Variants in PDE1C observed in about 807,000 individuals in gnomAD.
PDE1C encodes dual specificity calcium/calmodulin-dependent 3',5'-cyclic nucleotide phosphodiesterase 1C.
Under a neutral mutation model 93.1 loss-of-function variants are expected in PDE1C, and 62 were observed. That is an observed-to-expected ratio of 0.67 (90% CI 0.54 to 0.82). PDE1C has a LOEUF of 0.82. Among genes scored for constraint, PDE1C ranks in the 40% least tolerant of loss-of-function variants. The pLI is 0.00. For missense variants in PDE1C, 742 were observed against 884.6 expected, an observed-to-expected ratio of 0.84 and a Z score of 2.04; for synonymous variants, 325 against 310.1, an observed-to-expected ratio of 1.05 and a Z score of -0.50.
At chr7:31,701,056 A>T in the PDE1C span, among the ~76,000 whole-genome samples, 2 of 151,344 alleles carry the variant, frequency 1.3e-5, no homozygotes, top group East Asian at 3.9e-4. Flanking sequence ...AGTTACTTCG[A>T]CTTGCAAGTC....
At chr7:31,936,313 G>A (rs1293553997) in intron 2 of PDE1C, among the ~76,000 whole-genome samples, 1 of 151,820 alleles carries the variant, frequency 6.6e-6, no homozygotes, top group Non-Finnish European at 1.5e-5. Context: ...CATTGATGCT[G>A]ATGCTACAAA....
intron 2 of PDE1C, among the ~76,000 whole-genome samples, chr7:31,997,932 A>C (rs1031158686): frequency 1.2e-4 from 18 of 152,242 alleles, no homozygotes; most frequent in Non-Finnish European, 2.4e-4. Flanking sequence ...AATGTCCCTT[A>C]CTTTAAAAAC....
At chr7:32,073,000 T>C (rs1483403670), upstream of PDE1C, among the ~76,000 whole-genome samples, 1 of 152,246 alleles carries the variant, frequency 6.6e-6, no homozygotes, top group African/African-American at 2.4e-5. Flanking sequence ...CGAATAATGC[T>C]GAATTCACAT....
the PDE1C span, among the ~76,000 whole-genome samples, chr7:31,737,695 G>A: frequency 2.0e-5 from 3 of 151,556 alleles, no homozygotes; most frequent in Non-Finnish European, 4.4e-5. Flanking sequence ...CCAGCTACTC[G>A]GGAGGCCAAG....
intron 3 of PDE1C, among the ~76,000 whole-genome samples, chr7:32,107,091 G>T (rs1386898917): frequency 6.7e-6 from 1 of 150,250 alleles, no homozygotes; most frequent in East Asian, 2.0e-4. Flanking sequence ...GCCAAGGAAA[G>T]AATCAGTGAG....
At chr7:31,828,766 G>A (rs1790012596) in intron 11 of PDE1C, among the ~76,000 whole-genome samples, 1 of 152,172 alleles carries the variant, frequency 6.6e-6, no homozygotes, top group African/African-American at 2.4e-5. Flanking sequence ...CCTCCCAGAT[G>A]TGGGCAGTGT....
At chr7:31,694,663 G>C in the PDE1C span, among the ~76,000 whole-genome samples, 1 of 152,130 alleles carries the variant, frequency 6.6e-6, no homozygotes, top group Non-Finnish European at 1.5e-5. Flanking sequence ...AACCATTATG[G>C]AAGAGTGAAC....
the PDE1C span, among the ~76,000 whole-genome samples, chr7:31,620,391 G>A: frequency 1.6e-4 from 25 of 151,876 alleles, no homozygotes; most frequent in East Asian, 2.5e-3. Context: ...TCACACGGCC[G>A]GGTACTCCTC....
At position 32,242,663 on chromosome 7, in the gene PDE1C, G is replaced by T. The variant is rs1808627890; in HGVS notation, c.86-33124C>A. 2.0e-5 allele frequency among the ~76,000 whole-genome samples: 3 copies of T among 152,268 alleles called. No homozygotes were observed. The South Asian group carries it at 6.2e-4, about 32-fold the overall frequency. On this transcript the variant is annotated intron_variant, in intron 1 of 18. Coordinates refer to the PDE1C transcript ENST00000396193. ...TGGGTGGCAGAGACTGGTGGCAGGA[G>T]CTTTAAAAGAGCTGTGGGGGCTTCT...
At chr7:31,651,269 G>C in the PDE1C span, 1 of 1,612,726 alleles carries the variant, frequency 6.2e-7, no homozygotes, top group Middle Eastern at 1.7e-4. Context: ...GAGGAGGAAA[G>C]GTAATTACCT....
chr7:32,202,446 T>C (rs951304460), intron 2 of PDE1C, among the ~76,000 whole-genome samples: 36 of 152,228 alleles, frequency 2.4e-4, no homozygotes, highest in Non-Finnish European at 1.0e-4. Flanking sequence ...ATGACAGGGA[T>C]GTCATACAAG....
the PDE1C span, chr7:31,643,277 C>G: frequency 6.2e-7 from 1 of 1,613,776 alleles, no homozygotes; most frequent in Non-Finnish European, 8.5e-7. Flanking sequence ...TTACTCGTAC[C>G]AGAAAGCTCA....
intron 2 of PDE1C, among the ~76,000 whole-genome samples, chr7:31,960,001 G>A (rs1808704836): frequency 6.6e-6 from 1 of 150,868 alleles, no homozygotes; most frequent in South Asian, 2.1e-4. Context: ...ATATAGCTGG[G>A]ATTACAAGCG....
chr7:31,620,597 A>C, the PDE1C span, among the ~76,000 whole-genome samples: 1 of 150,774 alleles, frequency 6.6e-6, no homozygotes, highest in Non-Finnish European at 1.5e-5. Flanking sequence ...ATCCACACCA[A>C]AAACCCATCT....
At position 31,997,784 on chromosome 7, in the gene PDE1C, T is replaced by C. The variant is rs1197150203; in HGVS notation, c.128+53770A>G. Among the ~76,000 whole-genome samples, 6 of 152,154 alleles carry C rather than the reference T, an allele frequency of 3.9e-5. No homozygotes were observed. In the South Asian group the frequency reaches 8.3e-4, roughly 21 times the overall value. On this transcript the variant is annotated intron_variant, in intron 2 of 17. Coordinates refer to ENST00000396191, the MANE Select transcript of PDE1C (RefSeq NM_001191057.4). Reference sequence around the variant, plus strand: ...AGAGGGTTGGCTGAAGGCATGATTGTAGATAAAGCCATTTCTTTGTCTCAA... The same window carrying C: ...AGAGGGTTGGCTGAAGGCATGATTGCAGATAAAGCCATTTCTTTGTCTCAA...
chr7:32,065,488 A>C (rs1402815397), intron 1 of PDE1C, among the ~76,000 whole-genome samples: 1 of 152,144 alleles, frequency 6.6e-6, no homozygotes, highest in African/African-American at 2.4e-5. Context: ...CTTCCTTCGC[A>C]TCCCCCTGGA....
intron 17 of PDE1C, among the ~76,000 whole-genome samples, chr7:31,770,725 G>C (rs889413304): frequency 2.6e-5 from 4 of 152,068 alleles, no homozygotes; most frequent in African/African-American, 7.2e-5. Flanking sequence ...GGTCAAGTTG[G>C]TCTTGAACTC....
At chr7:32,033,422 T>C (rs1425861704) in intron 2 of PDE1C, among the ~76,000 whole-genome samples, 2 of 152,150 alleles carry the variant, frequency 1.3e-5, no homozygotes, top group African/African-American at 4.8e-5. Flanking sequence ...AGGAGCGCAA[T>C]TCCCTTTGTT....
intron 2 of PDE1C, among the ~76,000 whole-genome samples, chr7:31,914,888 A>G (rs1801686055): frequency 6.6e-6 from 1 of 152,198 alleles, no homozygotes; most frequent in East Asian, 1.9e-4. Flanking sequence ...CTCAGGAATG[A>G]ATCCATTATC....
Sources: allele counts gnomAD v4.1 joint callset (sites outside exome capture counted in the v4.1 genomes callset), GRCh38; gene constraint gnomAD v4.1.1; transcripts MANE v1.5; gene names NCBI Gene and HGNC (gene_info 2026-07-23, HGNC 2026-07-21).